The following SORCS3 variants were observed in gnomAD, a reference collection of about 807,000 sequenced individuals.
SORCS3 encodes the protein sortilin related VPS10 domain containing receptor 3, also known as VPS10 domain-containing receptor SorCS3.
In SORCS3, 57 loss-of-function variants were observed where a neutral mutation model predicts 146.3. The ratio of observed to expected loss-of-function variants is 0.39; its 90% CI spans 0.31 to 0.49. The LOEUF (loss-of-function observed/expected upper bound fraction) is 0.49. Among genes scored for constraint, SORCS3 ranks in the 20% least tolerant of loss-of-function variants. The probability of loss-of-function intolerance (pLI) is 0.92; values close to 1 mark genes in which losing one functional copy is unlikely to be tolerated. For synonymous variants in SORCS3, 653 were observed against 618.5 expected (o/e 1.06, Z -0.83); for missense variants, 1,341 against 1,575.5 (o/e 0.85, Z 2.52).
At chr10:104,941,904 T>TG (rs1286839914) in intron 3 of SORCS3, among the ~76,000 whole-genome samples, 1 of 152,142 alleles carries the variant, frequency 6.6e-6, no homozygotes, top group African/African-American at 2.4e-5. Context: ...AGGGCTTATA[T>TG]GGGGAATTGA....
In SORCS3 at chr10:105,217,021, G is replaced by T. The variant is rs1263733067; in HGVS notation, c.2633G>T (p.Gly878Val). ...GCAAACTTCAGCCCCATCGAGGACG[G>T]CATCAAGCACGTGTATAAGAGTGCG... ...SYANFSPIED[G>V]IKHVYKSAGI... The change falls in exon 19 of 27, where the codon GGC (glycine) becomes GTC (valine). Residue 878 changes from glycine to valine, a missense_variant. Transcript: ENST00000369701. The T allele has an allele frequency of 6.2e-7, 1 of 1,614,016 alleles. No individual in the cohort carries two copies. The highest frequency in any genetic ancestry group is 1.1e-5 in the South Asian group (1 of 91,086).
At chr10:105,179,142 T>C (rs1371187442) in intron 14 of SORCS3, among the ~76,000 whole-genome samples, 2 of 152,222 alleles carry the variant, frequency 1.3e-5, no homozygotes, top group Non-Finnish European at 2.9e-5. Context: ...TCAAATCTTA[T>C]AGTTTGGCCC....
At chr10:104,834,146 C>T (rs961599689) in intron 1 of SORCS3, among the ~76,000 whole-genome samples, 12 of 152,190 alleles carry the variant, frequency 7.9e-5, no homozygotes, top group African/African-American at 2.9e-4. Flanking sequence ...CTGCATTTCC[C>T]CTGGATGATT....
chr10:104,989,276 G>T (rs2054980326), intron 4 of SORCS3, among the ~76,000 whole-genome samples: 2 of 152,214 alleles, frequency 1.3e-5, no homozygotes, highest in African/African-American at 4.8e-5. Flanking sequence ...TCAGGAAGAT[G>T]AAGTCTGACT....
At chr10:104,781,114 AG>A (rs1394423193) in intron 1 of SORCS3, among the ~76,000 whole-genome samples, 4 of 152,266 alleles carry the variant, frequency 2.6e-5, no homozygotes, top group Non-Finnish European at 4.4e-5. Context: ...ACAACTCTGT[AG>A]GCAGGTGTAG....
chr10:104,871,947 C>T (rs1315986350), intron 2 of SORCS3, among the ~76,000 whole-genome samples: 1 of 152,076 alleles, frequency 6.6e-6, no homozygotes, highest in African/African-American at 2.4e-5. Flanking sequence ...GATTGGAACA[C>T]ATCTGTACTG....
intron 2 of SORCS3, among the ~76,000 whole-genome samples, chr10:104,885,589 A>T (rs895489558): frequency 3.9e-5 from 6 of 152,062 alleles, no homozygotes; most frequent in Non-Finnish European, 5.9e-5. Flanking sequence ...TAGGAGAAAA[A>T]CTTTTTCCCT....
intron 12 of SORCS3, 118 bp from the exon 13 acceptor site, chr10:105,167,140 T>C (rs890091910): frequency 1.4e-5 from 10 of 717,326 alleles, no homozygotes; most frequent in Non-Finnish European, 2.3e-5. Context: ...TATCTGATAG[T>C]GCTGTTGGAA....
At chr10:104,814,776 A>T (rs2017778423) in intron 1 of SORCS3, among the ~76,000 whole-genome samples, 1 of 152,248 alleles carries the variant, frequency 6.6e-6, no homozygotes, top group Non-Finnish European at 1.5e-5. Flanking sequence ...TAATTAATGG[A>T]TGTGGAGAGC....
intron 1 of SORCS3, among the ~76,000 whole-genome samples, chr10:104,806,861 G>A (rs1377024554): frequency 2.0e-5 from 3 of 152,108 alleles, no homozygotes; most frequent in Non-Finnish European, 1.5e-5. Flanking sequence ...TGGATGTTTT[G>A]TGGTTTTCAT....
At chr10:104,685,985 T>C (rs1589457242) in intron 1 of SORCS3, among the ~76,000 whole-genome samples, 1 of 152,162 alleles carries the variant, frequency 6.6e-6, no homozygotes, top group Admixed American at 6.5e-5. Flanking sequence ...GACCCTTTTG[T>C]CTGTGCCTTA....
At chr10:104,875,797 T>C (rs2133571401) in intron 2 of SORCS3, among the ~76,000 whole-genome samples, 1 of 152,258 alleles carries the variant, frequency 6.6e-6, no homozygotes, top group African/African-American at 2.4e-5. Context: ...GCCTGTCTGA[T>C]TGAGTAAGTG....
intron 16 of SORCS3, among the ~76,000 whole-genome samples, chr10:105,206,801 T>C (rs2056605267): frequency 2.0e-5 from 3 of 152,176 alleles, no homozygotes; most frequent in African/African-American, 7.2e-5. Context: ...GTTTGTTGAG[T>C]GCTCACTCCA....
chr10:105,201,398 G>A, intron 16 of SORCS3, 145 bp downstream of exon 16: 1 of 1,001,074 alleles, frequency 1.0e-6, no homozygotes, highest in South Asian at 1.8e-5. Flanking sequence ...ATCCATCCCA[G>A]TTACTGGGCC....
chr10:105,166,520 C>G (rs571837125), intron 12 of SORCS3, among the ~76,000 whole-genome samples: 44 of 152,198 alleles, frequency 2.9e-4, no homozygotes, highest in South Asian at 6.2e-4. Context: ...TAACTCGGAA[C>G]CTTGTATTGA....
At chr10:105,130,782 A>G (rs1411614402) in intron 7 of SORCS3, among the ~76,000 whole-genome samples, 1 of 152,196 alleles carries the variant, frequency 6.6e-6, no homozygotes, top group African/African-American at 2.4e-5. Flanking sequence ...ATAAAACTGC[A>G]TCAATATTGC....
chr10:105,128,361 T>C (rs1251830540), intron 7 of SORCS3, among the ~76,000 whole-genome samples: 2 of 152,156 alleles, frequency 1.3e-5, no homozygotes, highest in African/African-American at 2.4e-5. Flanking sequence ...AATTCACTCA[T>C]GAGACATGCA....
intron 2 of SORCS3, among the ~76,000 whole-genome samples, chr10:104,902,871 A>T (rs1281535684): frequency 6.6e-6 from 1 of 152,218 alleles, no homozygotes. Context: ...TGTTGCTAGT[A>T]GGTAGGAGAG....
At chr10:104,742,871 G>A (rs564732497) in intron 1 of SORCS3, among the ~76,000 whole-genome samples, 20 of 152,246 alleles carry the variant, frequency 1.3e-4, no homozygotes, top group African/African-American at 4.1e-4. Context: ...CTGAGACTCC[G>A]TAAGACTGGC....
Sources: allele counts gnomAD v4.1 joint callset (sites outside exome capture counted in the v4.1 genomes callset), GRCh38; gene constraint gnomAD v4.1.1; transcripts MANE v1.5; gene names NCBI Gene and HGNC (gene_info 2026-07-23, HGNC 2026-07-21).